TBC1D9B: variants seen among roughly 807,000 people sequenced by gnomAD.
TBC1D9B encodes TBC1 domain family member 9B, also known as TBC1 domain family, member 9B (with GRAM domain).
In TBC1D9B, 87 loss-of-function variants were observed where a neutral mutation model predicts 121.1. That is an observed-to-expected ratio of 0.72 (90% CI 0.60 to 0.86). The LOEUF (loss-of-function observed/expected upper bound fraction) is 0.86, where lower values mean the gene tolerates loss of function less well. Among genes scored for constraint, TBC1D9B ranks in the 40% least tolerant of loss-of-function variants. The pLI, the probability that TBC1D9B is intolerant of heterozygous loss-of-function variation, is 0.00. For missense variants in TBC1D9B, 1,540 were observed against 1,628.6 expected (o/e 0.95, Z 0.94); for synonymous variants, 668 against 670.1 (o/e 1.00, Z 0.05).
intron 20 of TBC1D9B, among the ~76,000 whole-genome samples, chr5:179,864,463 C>T (rs1006671416): frequency 6.6e-6 from 1 of 152,170 alleles, no homozygotes; most frequent in Non-Finnish European, 1.5e-5. Flanking sequence ...ACAAGGACTT[C>T]GTTGTGTTTT....
At chr5:179,905,085 G>T (rs193275662) in intron 1 of TBC1D9B, among the ~76,000 whole-genome samples, 25 of 152,246 alleles carry the variant, frequency 1.6e-4, no homozygotes, top group Admixed American at 5.2e-4. Context: ...AGTTTCATGG[G>T]GCCAGAGCTT....
chr5:179,874,857 G>A lies in TBC1D9B; in HGVS notation c.2186+45C>T. ...GGACAGTGCCCGGGGCTGGTGAGGG[G>A]TTCTGCTGTGAGCCCCCAGCAGGAG... On this transcript the variant is annotated intron_variant, in intron 12 of 20. Transcript: ENST00000355235. This position sits in a 1 kb window ranked among gnomAD's most constrained non-coding sequence, Gnocchi z 4.3. The A allele has an allele frequency of 1.3e-6, 2 of 1,597,400 alleles. No homozygotes were observed. The highest frequency in any genetic ancestry group is 1.7e-6 in the Non-Finnish European group (2 of 1,173,506).
chr5:179,896,545 C>T (rs555966784), intron 3 of TBC1D9B, among the ~76,000 whole-genome samples: 2 of 151,930 alleles, frequency 1.3e-5, no homozygotes, highest in Admixed American at 1.3e-4. Context: ...TTTTTTTAGA[C>T]AGGGTCTCAC....
At chr5:179,883,207 T>C (rs1029386821) in intron 7 of TBC1D9B, among the ~76,000 whole-genome samples, 1 of 152,232 alleles carries the variant, frequency 6.6e-6, no homozygotes, top group Non-Finnish European at 1.5e-5. Context: ...TGAGATTTTA[T>C]GTCAATATCG....
At chr5:179,887,291 T>C (rs1727571089) in intron 7 of TBC1D9B, among the ~76,000 whole-genome samples, 1 of 152,224 alleles carries the variant, frequency 6.6e-6, no homozygotes, top group Non-Finnish European at 1.5e-5. Flanking sequence ...CATCTCTTGT[T>C]GGGAATAAAC....
At position 179,879,137 on chromosome 5, in the gene TBC1D9B, C is replaced by T. The variant is rs138071086; in HGVS notation, c.1477G>A (p.Val493Met). 7.0e-5 allele frequency: 112 copies of T among 1,607,160 alleles called. No individual in the cohort carries two copies. The highest frequency in any genetic ancestry group is 7.7e-5 in the Non-Finnish European group (91 of 1,179,728). ...GTCTTGGCTGTGCGGTACATGCACACGCCACGCCCGTACTCGAAGAAGTGG... is the reference window on the plus strand; with the variant it reads ...GTCTTGGCTGTGCGGTACATGCACATGCCACGCCCGTACTCGAAGAAGTGG... The part of the protein sequence containing the change: ...HIHFFEYGRG[V>M]CMYRTAKTRA... The change falls in exon 9 of 21, where the codon GTG becomes ATG. Residue 493 changes from valine to methionine, a missense_variant. Physicochemically the swap from Val to Met is conservative, Grantham distance 21. Coordinates refer to ENST00000355235, the MANE Select transcript of TBC1D9B (RefSeq NM_015043.4).
chr5:179,894,719 A>G (rs1760973326), intron 3 of TBC1D9B, 105 bp from the exon 4 acceptor site: 14 of 1,148,228 alleles, frequency 1.2e-5, no homozygotes, highest in Non-Finnish European at 1.6e-5. Context: ...ACCTTGGTCT[A>G]AGGGCTACAG....
rs749956162 is a variant in TBC1D9B at position 179,879,177 on chromosome 5, C to T, written c.1437G>A (p.Glu479=). The change falls in exon 9 of 21, where the codon GAG becomes GAA. Residue 479 remains glutamate (E), a synonymous_variant. Transcript: ENST00000355235. The stretch of plus-strand genomic sequence containing the variant: ...CGAAGAAGTGGATGTGCCATGACTC[C>T]TCTTTCATCTTCTCCTTGGCCTGAG... ...GAKGAKEKMK[E]ESWHIHFFEY... 6.2e-6 allele frequency: 10 copies of T among 1,603,024 alleles called. No homozygotes were observed. The Admixed American group carries it at 1.2e-4, about 19-fold the overall frequency.
intron 5 of TBC1D9B, among the ~76,000 whole-genome samples, chr5:179,892,143 A>T (rs1760884638): frequency 6.6e-6 from 1 of 152,206 alleles, no homozygotes; most frequent in African/African-American, 2.4e-5. Context: ...GGCTCTGTCC[A>T]CATAAACTCT....
chr5:179,905,548 T>G (rs1244373248), intron 1 of TBC1D9B, among the ~76,000 whole-genome samples: 1 of 152,266 alleles, frequency 6.6e-6, no homozygotes, highest in African/African-American at 2.4e-5. Context: ...AAGTTTTTCT[T>G]CTCATCACAT....
Position 179,902,146 on chromosome 5 carries a change from A to G in TBC1D9B, c.229+2556T>C, listed in dbSNP as rs183609995. On this transcript the variant is annotated intron_variant, in intron 2 of 20. Transcript: ENST00000355235. This position sits in a 1 kb window ranked among gnomAD's most constrained non-coding sequence, Gnocchi z 4.9. ...TCCCGGCCTCATGGGCTTCCACGTA[A>G]AAGCGTGTGCAGACACGTCATGTCC... is the stretch of plus-strand genomic sequence containing the variant. Among the ~76,000 whole-genome samples the G allele has an allele frequency of 1.3e-5, 2 of 152,364 alleles. No homozygotes were observed. The highest frequency in any genetic ancestry group is 2.9e-5 in the Non-Finnish European group (2 of 68,044).
chr5:179,903,287 T>A (rs368208193), intron 2 of TBC1D9B, among the ~76,000 whole-genome samples: 3,207 of 152,282 alleles, frequency 0.021, 132 homozygotes, highest in African/African-American at 0.072. Flanking sequence ...AGGTACCGGG[T>A]GGTTCAGGCA....
At chr5:179,900,176 A>G (rs2113648373) in intron 2 of TBC1D9B, among the ~76,000 whole-genome samples, 1 of 152,284 alleles carries the variant, frequency 6.6e-6, no homozygotes, top group African/African-American at 2.4e-5. Flanking sequence ...AGCCTGAGTG[A>G]CAAAGTGAGA....
At position 179,891,576 on chromosome 5, in the gene TBC1D9B, C is replaced by T. The variant is rs763999012; in HGVS notation, c.847G>A (p.Ala283Thr). The T allele has an allele frequency of 1.2e-5, 20 of 1,612,758 alleles. No homozygotes were observed. The highest frequency in any genetic ancestry group is 1.7e-5 in the Non-Finnish European group (20 of 1,179,864). ...NISALKRDLD[A>T]RAKNECYRAT... The stretch of plus-strand genomic sequence containing the variant: ...CGGTAGCACTCATTCTTGGCTCGGG[C>T]GTCCAGGTCTCTGGGGAAACAAGGT... The change falls in exon 6 of 21, where the codon GCC becomes ACC. Residue 283 changes from alanine to threonine, a missense_variant. By Grantham distance (58) the Ala-to-Thr change is moderately conservative. Coordinates refer to ENST00000355235, the MANE Select transcript of TBC1D9B (RefSeq NM_015043.4). The surrounding 1 kb of genome is among the most constrained non-coding windows in gnomAD (Gnocchi z 4.3).
chr5:179,866,185 AATG>A (rs754265175), intron 18 of TBC1D9B: 26 of 374,586 alleles, frequency 6.9e-5, no homozygotes, highest in African/African-American at 1.0e-4. Context: ...TGACGTGAAC[AATG>A]ATGAGGGCTA....
intron 7 of TBC1D9B, among the ~76,000 whole-genome samples, chr5:179,884,798 G>C (rs768223650): frequency 6.6e-6 from 1 of 152,198 alleles, no homozygotes; most frequent in Non-Finnish European, 1.5e-5. Context: ...GCATTACCTA[G>C]AATAGTTCAA....
chr5:179,894,338 G>T (rs768071682), intron 4 of TBC1D9B, 48 bp downstream of exon 4: 3 of 1,530,746 alleles, frequency 2.0e-6, no homozygotes, highest in East Asian at 2.4e-5. Context: ...CGAAGGCAGG[G>T]AGGGGCTGAG....
At position 179,904,991 on chromosome 5, in the gene TBC1D9B, T is replaced by A. The variant is rs1761274778; in HGVS notation, c.119-179A>T. ...GCCTTCAGCCAGTGTCTGATCCCGA[T>A]CAAAAACATCCCCTTCTACTTCTTC... On this transcript the variant is annotated intron_variant, in intron 1 of 20. Transcript: ENST00000355235. This position sits in a 1 kb window ranked among gnomAD's most constrained non-coding sequence, Gnocchi z 4.2. Among the ~76,000 whole-genome samples the A allele has an allele frequency of 6.6e-6, 1 of 152,156 alleles. No individual in the cohort carries two copies. Among genetic ancestry groups the A allele is most frequent in the African/African-American group, 2.4e-5 (1 of 41,434 alleles).
At chr5:179,864,181 G>A (rs1313922878) in intron 20 of TBC1D9B, 53 bp from the exon 21 acceptor site, 14 of 1,508,528 alleles carry the variant, frequency 9.3e-6, no homozygotes, top group South Asian at 5.2e-5. Context: ...CCAGTCAGAC[G>A]GGGTCCATAT....
Sources: allele counts gnomAD v4.1 joint callset (sites outside exome capture counted in the v4.1 genomes callset), GRCh38; gene constraint gnomAD v4.1.1; non-coding constraint Gnocchi (gnomAD v3.1); transcripts MANE v1.5; gene names NCBI Gene and HGNC (gene_info 2026-07-23, HGNC 2026-07-21).